The following ICE1 variants were observed in gnomAD, a reference collection of about 807,000 sequenced individuals.
ICE1 encodes the protein little elongation complex subunit 1.
ICE1 carries 64 observed loss-of-function variants against 192.7 expected under a neutral mutation model. The ratio of observed to expected loss-of-function variants is 0.33; its 90% confidence interval spans 0.27 to 0.41. ICE1 has a LOEUF of 0.41. ICE1 is among the 10% of genes least tolerant of loss of function. The pLI, the probability that ICE1 is intolerant of heterozygous loss-of-function variation, is 1.00. For synonymous variants in ICE1, 1,010 were observed against 984.5 expected (o/e 1.03, Z -0.49); for missense variants, 2,708 against 2,696.0 (o/e 1.00, Z -0.10).
At chr5:5,448,274 A>G (rs1394556687) in intron 10 of ICE1, among the ~76,000 whole-genome samples, 1 of 152,226 alleles carries the variant, frequency 6.6e-6, no homozygotes, top group Non-Finnish European at 1.5e-5. Context: ...GGAAAACTAT[A>G]GAATTAAAGC....
At chr5:5,424,087 C>A (rs1396483297) in intron 1 of ICE1, among the ~76,000 whole-genome samples, 1 of 152,020 alleles carries the variant, frequency 6.6e-6, no homozygotes. Flanking sequence ...TGGAAAGGTT[C>A]CTTTGGTGAG....
rs1561091986 is a variant in ICE1, at chr5:5,464,452, T to A, written c.5118T>A (p.Ser1706Arg). ...CATCTCCATCTGCAGCTTCAGCCAG[T>A]GAGAGGGTAGTGCCGTCTCCTCTGC... ...PSPSPSAASA[S>R]ERVVPSPLQF... Residue 1706 changes from serine (S) to arginine (R), a missense_variant, in exon 13 of 19, where the codon AGT becomes AGA. Coordinates refer to ENST00000296564, the MANE Select transcript of ICE1 (RefSeq NM_015325.3). This position sits in a 1 kb window ranked among gnomAD's most constrained non-coding sequence, Gnocchi z 4.0. 6.2e-7 allele frequency: 1 copy of A among 1,613,762 alleles called. No homozygotes were observed.
chr5:5,451,904 T>C (rs536739136), intron 10 of ICE1, among the ~76,000 whole-genome samples: 1 of 152,218 alleles, frequency 6.6e-6, no homozygotes, highest in African/African-American at 2.4e-5. Flanking sequence ...GTTGTTAATA[T>C]AGCTGCAAAA....
At position 5,461,916 on chromosome 5, in the gene ICE1, T is replaced by C. The variant is rs1180023866; in HGVS notation, c.2582T>C (p.Ile861Thr). Residue 861 changes from isoleucine to threonine, a missense_variant, in exon 13 of 19, where the codon ATC (isoleucine) becomes ACC (threonine). Physicochemically the swap from Ile to Thr is moderately conservative, Grantham distance 89. Around this residue, in one of 2 missense-constraint regions of ICE1, gnomAD observed 2,366 missense variants for 2,276.6 expected, o/e 1.04. Transcript: ENST00000296564. Reference sequence around the variant, plus strand: ...GTGTTGCCTAATCAAGTATCAGTTATCACAAAACAGACAAGACCTGAAAAG... The same window carrying C: ...GTGTTGCCTAATCAAGTATCAGTTACCACAAAACAGACAAGACCTGAAAAG... Reference protein sequence around the residue: ...ASVLPNQVSVITKQTRPEKVQ... With the variant: ...ASVLPNQVSVTTKQTRPEKVQ... The C allele has an allele frequency of 8.7e-6, 14 of 1,613,772 alleles. No homozygotes were observed. Among genetic ancestry groups the C allele is most frequent in the Non-Finnish European group, 3.4e-6 (4 of 1,179,906 alleles).
At chr5:5,454,432 G>A (rs1738528060) in intron 10 of ICE1, 120 bp from the exon 11 acceptor site, 1 of 632,322 alleles carries the variant, frequency 1.6e-6, no homozygotes, top group Admixed American at 2.4e-5. Context: ...GTTGAGTTTG[G>A]GGAAGATGTA....
chr5:5,464,239 G>A lies in ICE1; in HGVS notation c.4905G>A (p.Leu1635=), dbSNP rs1369247841. 3 of 1,613,308 alleles carry A rather than the reference G, an allele frequency of 1.9e-6. No individual in the cohort carries two copies. Among genetic ancestry groups the A allele is most frequent in the African/African-American group, 1.3e-5 (1 of 74,764 alleles). ...RQEVGPPLPP[L]LAPLIATPPR... ...AGGTGGGGCCTCCTTTGCCGCCTCT[G>A]CTTGCTCCTCTGATAGCTACACCTC... The change falls in exon 13 of 19, where the codon CTG becomes CTA. Residue 1635 remains leucine (L), a synonymous_variant. Coordinates refer to ENST00000296564, the MANE Select transcript of ICE1 (RefSeq NM_015325.3). The surrounding 1 kb of genome is among the most constrained non-coding windows in gnomAD (Gnocchi z 4.0).
At chr5:5,474,714 A>AG (rs1039775832) in intron 16 of ICE1, among the ~76,000 whole-genome samples, 1 of 152,184 alleles carries the variant, frequency 6.6e-6, no homozygotes, top group African/African-American at 2.4e-5. Context: ...GGCTGGTTTA[A>AG]GGGAGTTGGT....
chr5:5,450,392 A>G (rs891441925), intron 10 of ICE1, among the ~76,000 whole-genome samples: 1 of 152,212 alleles, frequency 6.6e-6, no homozygotes, highest in Admixed American at 6.5e-5. Flanking sequence ...CAAAGGGACA[A>G]ACAAATTAAA....
Position 5,462,211 on chromosome 5 carries a change from C to A in ICE1, c.2877C>A (p.Phe959Leu). The change falls in exon 13 of 19, where the codon TTC (phenylalanine) becomes TTA (leucine). Residue 959 changes from phenylalanine to leucine, a missense_variant. Physicochemically the swap from Phe to Leu is conservative, Grantham distance 22. This residue lies in a region of ICE1 where 2,366 missense variants were observed against 2,276.6 expected (regional missense o/e 1.04). Coordinates refer to ENST00000296564, the MANE Select transcript of ICE1 (RefSeq NM_015325.3). ...SDCSTNSRLS[F>L]SPENILIQNQ... ...GTTCCACAAATAGCAGATTATCTTT[C>A]TCTCCTGAAAATATCCTCATCCAAA... The A allele has an allele frequency of 6.2e-7, 1 of 1,610,516 alleles. No homozygotes were observed. The highest frequency in any genetic ancestry group is 8.5e-7 in the Non-Finnish European group (1 of 1,177,818).
At position 5,441,220 on chromosome 5, in the gene ICE1, A is replaced by C; in HGVS notation, c.306A>C (p.Lys102Asn). 2 of 1,520,508 alleles carry C rather than the reference A, an allele frequency of 1.3e-6. No homozygotes were observed. Among genetic ancestry groups the C allele is most frequent in the Non-Finnish European group, 1.8e-6 (2 of 1,117,262 alleles). 94.2% of individuals were successfully genotyped at this position (1,520,508 alleles called of 1,614,324 possible). A position where few individuals can be genotyped will look rare whatever the true frequency, so the allele number is the denominator to read the frequency against. ...CTTTAAAAGCAGAGCTAGAAGAGAA[A>C]AAGGTATGAACAATAATTTTCTGTA... ...LGSLKAELEE[K>N]KSSLKLYQDT... Residue 102 changes from lysine to asparagine, a missense_variant, in exon 5 of 19, where the codon AAA becomes AAC. By Grantham distance (94) the Lys-to-Asn change is moderately conservative (BLOSUM62 0). Around this residue, in one of 2 missense-constraint regions of ICE1, gnomAD observed 2,366 missense variants for 2,276.6 expected, o/e 1.04. Transcript: ENST00000296564.
At chr5:5,484,438 A>G (rs1739584708) in intron 17 of ICE1, among the ~76,000 whole-genome samples, 2 of 152,348 alleles carry the variant, frequency 1.3e-5, no homozygotes, top group Non-Finnish European at 2.9e-5. Context: ...TCCGTGGTAG[A>G]TTGTTCCAGA....
Position 5,478,092 on chromosome 5 carries a change from C to T in ICE1, c.6520+2013C>T, listed in dbSNP as rs141521520. On this transcript the variant is annotated intron_variant, in intron 17 of 18. Coordinates refer to ENST00000296564, the MANE Select transcript of ICE1 (RefSeq NM_015325.3). ...GGCAAGGATGCCCTCTCTTACCACT[C>T]CTGTTCAACATCGTATTGGAAGTTC... Among the ~76,000 whole-genome samples, 910 of 152,310 alleles carry T rather than the reference C, an allele frequency of 6.0e-3. 9 individuals carry two copies. The highest frequency in any genetic ancestry group is 0.021 in the African/African-American group (864 of 41,560).
Position 5,478,576 on chromosome 5 carries a change from T to G in ICE1, c.6520+2497T>G, listed in dbSNP as rs191764837. On this transcript the variant is annotated intron_variant, in intron 17 of 18. Transcript: ENST00000296564. ...TATTTCCATCAAGCTACCACTGACT[T>G]TCTTCGCAGAATTAGAAAAAACTAC... Among the ~76,000 whole-genome samples the G allele has an allele frequency of 5.1e-4, 77 of 152,310 alleles. 1 individual carries two copies. The South Asian group carries it at 5.6e-3, about 11-fold the overall frequency.
At chr5:5,485,030 AGGGGAATGG>A (rs762613110) in intron 17 of ICE1, among the ~76,000 whole-genome samples, 2 of 152,028 alleles carry the variant, frequency 1.3e-5, no homozygotes, top group African/African-American at 2.4e-5. Context: ...CTGCGAGTGT[AGGGGAATGG>A]GGGGAATGAT....
At chr5:5,445,385 G>T (rs28656422) in intron 7 of ICE1, among the ~76,000 whole-genome samples, 6,364 of 152,054 alleles carry the variant, frequency 0.042, 433 homozygotes, top group African/African-American at 0.15. Context: ...AGTGTCTATT[G>T]TATTTAAACA....
rs565755844 is a variant in ICE1 at position 5,428,265 on chromosome 5, C to T, written c.84+5266C>T. ...TGCCTTGTTGCCCTGTTCCAGTCCA[C>T]GCTGTGCCAGAGGTTTTAACAGGTG... On this transcript the variant is annotated intron_variant, in intron 1 of 18. Transcript: ENST00000296564. 7.9e-5 allele frequency among the ~76,000 whole-genome samples: 12 copies of T among 152,082 alleles called. No homozygotes were observed. In the South Asian group the frequency reaches 1.0e-3, roughly 13 times the overall value.
chr5:5,431,650 C>G (rs146756793), intron 1 of ICE1, among the ~76,000 whole-genome samples: 43 of 152,248 alleles, frequency 2.8e-4, no homozygotes, highest in African/African-American at 9.6e-4. Context: ...ATCCCCGATT[C>G]TTTGTGTATC....
intron 5 of ICE1, among the ~76,000 whole-genome samples, chr5:5,441,928 C>G (rs542086165): frequency 1.3e-5 from 2 of 151,974 alleles, no homozygotes; most frequent in Admixed American, 6.6e-5. Context: ...TATAAGTAAG[C>G]GTTCAGGTTA....
At chr5:5,424,082 A>C (rs747607724) in intron 1 of ICE1, among the ~76,000 whole-genome samples, 2 of 152,186 alleles carry the variant, frequency 1.3e-5, no homozygotes, top group Non-Finnish European at 2.9e-5. Context: ...ACAGGTGGAA[A>C]GGTTCCTTTG....
Sources: gnomAD v4.1 joint callset for allele counts (sites outside exome capture counted in the v4.1 genomes callset) on GRCh38, gnomAD v4.1.1 for gene constraint, gnomAD v4.1.1 regional missense constraint, Gnocchi (gnomAD v3.1) non-coding constraint, MANE v1.5 for transcripts, NCBI Gene and HGNC (gene_info 2026-07-23, HGNC 2026-07-21) for gene names.